The following KCNAB2 variants were observed in gnomAD, a reference collection of about 807,000 sequenced individuals.
KCNAB2 encodes voltage-gated potassium channel subunit beta-2.
KCNAB2 carries 29 observed loss-of-function variants against 63.6 expected under a neutral mutation model. That is an observed-to-expected ratio of 0.46 (90% CI 0.34 to 0.62). The LOEUF (loss-of-function observed/expected upper bound fraction) is 0.62. Among genes scored for constraint, KCNAB2 ranks in the 20% least tolerant of loss-of-function variants. The pLI is 0.01. For synonymous variants in KCNAB2, 222 were observed against 224.2 expected (o/e 0.99, Z 0.09); for missense variants, 359 against 563.9 (o/e 0.64, Z 3.68).
rs564962053 is a variant in KCNAB2 at position 6,097,467 on chromosome 1, A to T, written c.1158+110A>T. 4 of 1,531,552 alleles carry T rather than the reference A, an allele frequency of 2.6e-6. No homozygotes were observed. The African/African-American group carries it at 5.5e-5, about 21-fold the overall frequency. 94.9% of individuals were successfully genotyped at this position (1,531,552 alleles called of 1,614,324 possible). On this transcript the variant is annotated intron_variant, in intron 15 of 15. Transcript: ENST00000378083. ...CCAGGCTCTGTTCTAGGCACTCAGG[A>T]TGCGCCCGTGAACCATCAGAGTTGT...
At position 6,046,114 on chromosome 1, in the gene KCNAB2, A is replaced by G. The variant is rs1489575478; in HGVS notation, c.-96A>G. ...GAAAAAGCCGCTGTGCCAGATCCTTAGAGTGTCTGGTGATCCCTAATAAAC... is the reference window on the plus strand; with the variant it reads ...GAAAAAGCCGCTGTGCCAGATCCTTGGAGTGTCTGGTGATCCCTAATAAAC... On this transcript the variant is annotated 5_prime_UTR_variant, in exon 1 of 16. Transcript: ENST00000378083. 1 of 985,252 alleles carries G rather than the reference A, an allele frequency of 1.0e-6. No homozygotes were observed. The highest frequency in any genetic ancestry group is 1.7e-5 in the African/African-American group (1 of 57,226). 61.0% of individuals were successfully genotyped at this position (985,252 alleles called of 1,614,324 possible).
Position 6,100,023 on chromosome 1 carries a change from A to T in KCNAB2, c.*1449A>T. The T allele has an allele frequency of 6.5e-7, 1 of 1,529,682 alleles. No homozygotes were observed. 94.8% of individuals were successfully genotyped at this position (1,529,682 alleles called of 1,614,324 possible). On this transcript the variant is annotated 3_prime_UTR_variant, in exon 16 of 16. Coordinates refer to ENST00000378083, the MANE Select transcript of KCNAB2 (RefSeq NM_001199862.2). ...CCCCCACCCCTCGCCAGCTAGCTCC[A>T]TAGGGAAGCCTGTGTCTCCTGCCCC... is the stretch of plus-strand genomic sequence containing the variant.
chr1:6,016,217 T>A lies in KCNAB2; in HGVS notation c.-53+23429T>A, dbSNP rs576949447. On this transcript the variant is annotated intron_variant, in intron 1 of 16. Coordinates refer to the KCNAB2 transcript ENST00000341524. ...AGAGCGAAGGAGGCTTCCCACGGACTCCCAGGGGCCAAGCAGGGTCCCCCA... is the reference window on the plus strand; with the variant it reads ...AGAGCGAAGGAGGCTTCCCACGGACACCCAGGGGCCAAGCAGGGTCCCCCA... Among the ~76,000 whole-genome samples, 690 of 152,226 alleles carry A rather than the reference T, an allele frequency of 4.5e-3. 5 individuals carry two copies. The highest frequency in any genetic ancestry group is 0.014 in the Middle Eastern group (4 of 294).
At chr1:6,031,600 G>A (rs887973039), upstream of KCNAB2, among the ~76,000 whole-genome samples, 2 of 152,174 alleles carry the variant, frequency 1.3e-5, no homozygotes, top group Admixed American at 6.5e-5. The surrounding 1 kb of genome is among the most constrained non-coding windows in gnomAD (Gnocchi z 4.1). Flanking sequence ...AAATCTGCCA[G>A]CCCTGGCCGG....
chr1:6,021,806 TCAGTGGTATTGAGGGTAAAGTG>T (rs1422735186), intron 1 of KCNAB2, among the ~76,000 whole-genome samples: 25 of 144,222 alleles, frequency 1.7e-4, no homozygotes, highest in African/African-American at 5.7e-4. Flanking sequence ...AGTGTACAGT[TCAGTGGTATTGAGGGTAAAGTG>T]CAGTGGTATT....
chr1:6,062,774 A>G (rs1000120515), intron 2 of KCNAB2, among the ~76,000 whole-genome samples: 17 of 152,244 alleles, frequency 1.1e-4, no homozygotes, highest in African/African-American at 4.1e-4. Context: ...GTTTTCAGGC[A>G]GGTGACTTTT....
In KCNAB2 at chr1:6,086,423, C is replaced by G. The variant is rs546701824; in HGVS notation, c.426-1044C>G. 135 of 974,306 alleles carry G rather than the reference C, an allele frequency of 1.4e-4. No homozygotes were observed. The highest frequency in any genetic ancestry group is 7.4e-4 in the Admixed American group (12 of 16,272). The allele number at this position is 974,306 out of a possible 1,614,324, so 60.4% of individuals were successfully genotyped here. ...TGCATGGAGGTGGTGTGGGGTGATCCCCCTTCCTGGAGGTGACGCTGCCTC... is the reference window on the plus strand; with the variant it reads ...TGCATGGAGGTGGTGTGGGGTGATCGCCCTTCCTGGAGGTGACGCTGCCTC... On this transcript the variant is annotated intron_variant, in intron 6 of 15. Coordinates refer to ENST00000378083, the MANE Select transcript of KCNAB2 (RefSeq NM_001199862.2). This position sits in a 1 kb window ranked among gnomAD's most constrained non-coding sequence, Gnocchi z 4.2.
Position 6,095,480 on chromosome 1 carries a change from A to T in KCNAB2, c.853+37A>T, listed in dbSNP as rs543257561. On this transcript the variant is annotated intron_variant, in intron 12 of 15. Transcript: ENST00000378083. ...CGGGCCCCTCGCCCCGCCCCACCCC[A>T]CCCCTGCTCTCGGGCCCAGGGCTTG... 6 of 730,968 alleles carry T rather than the reference A, an allele frequency of 8.2e-6. No individual in the cohort carries two copies. In the East Asian group the frequency reaches 2.7e-4, roughly 32 times the overall value. The allele number at this position is 730,968 out of a possible 1,614,324, so 45.3% of individuals were successfully genotyped here.
chr1:6,065,103 T>C (rs1662629677), intron 2 of KCNAB2, among the ~76,000 whole-genome samples: 1 of 152,220 alleles, frequency 6.6e-6, no homozygotes, highest in Non-Finnish European at 1.5e-5. Context: ...CCCCAGCGGA[T>C]ACCCCACTCT....
At chr1:5,997,322 A>G (rs914491933) in intron 1 of KCNAB2, among the ~76,000 whole-genome samples, 1 of 152,068 alleles carries the variant, frequency 6.6e-6, no homozygotes, top group Admixed American at 6.5e-5. Context: ...GTGGAGAAGG[A>G]TGGAGGGAAG....
upstream of KCNAB2, chr1:6,041,719 T>C: frequency 4.4e-6 from 4 of 914,742 alleles, no homozygotes; most frequent in Non-Finnish European, 7.1e-6. Flanking sequence ...CCCGGGGGCA[T>C]GGGACATTGG....
chr1:6,090,016 C>T (rs1214552392), intron 8 of KCNAB2, among the ~76,000 whole-genome samples: 1 of 152,210 alleles, frequency 6.6e-6, no homozygotes, highest in African/African-American at 2.4e-5. Flanking sequence ...ACACTATTGC[C>T]TTTGATGGGA....
chr1:6,097,227 G>T (rs1257842202), intron 14 of KCNAB2, 42 bp from the exon 15 acceptor site: 1 of 1,508,196 alleles, frequency 6.6e-7, no homozygotes, highest in Non-Finnish European at 8.9e-7. Context: ...AGGGGCCCCT[G>T]TGGTGGGTGT....
At chr1:6,051,832 G>A (rs932288435) in intron 2 of KCNAB2, 78 bp downstream of exon 2, 68 of 1,425,442 alleles carry the variant, frequency 4.8e-5, no homozygotes, top group African/African-American at 7.1e-5. Context: ...GGCTGGGCAC[G>A]GTGGTTCACA....
At chr1:6,040,505 C>A (rs924648964) in intron 1 of KCNAB2, 3 of 1,441,254 alleles carry the variant, frequency 2.1e-6, no homozygotes, top group Non-Finnish European at 2.9e-6. Flanking sequence ...CCTTATTTTG[C>A]TTTTCTTCCA....
At chr1:5,999,627 C>T (rs1657123806) in intron 1 of KCNAB2, among the ~76,000 whole-genome samples, 1 of 152,150 alleles carries the variant, frequency 6.6e-6, no homozygotes, top group Non-Finnish European at 1.5e-5. Flanking sequence ...TGGCAGGGCG[C>T]CTTGTTAGTG....
Position 6,072,748 on chromosome 1 carries a change from T to G in KCNAB2, c.219-7T>G, listed in dbSNP as rs1663316764. On this transcript the variant is annotated splice_region_variant and splice_polypyrimidine_tract_variant and intron_variant, in intron 2 of 15. Transcript: ENST00000378083. Reference sequence around the variant, plus strand: ...TGCTGAGAACTCACGTGGCGTTTGTTTTTCAGGAACCTGGGCAAGTCTGGC... The same window carrying G: ...TGCTGAGAACTCACGTGGCGTTTGTGTTTCAGGAACCTGGGCAAGTCTGGC... 9 of 1,613,332 alleles carry G rather than the reference T, an allele frequency of 5.6e-6. No individual in the cohort carries two copies. In the East Asian group the frequency reaches 2.0e-4, roughly 36 times the overall value.
In KCNAB2 at chr1:6,003,044, G is replaced by A. The variant is rs1236262440; in HGVS notation, c.-53+10256G>A. On this transcript the variant is annotated intron_variant, in intron 1 of 16. Transcript: ENST00000341524. This position sits in a 1 kb window ranked among gnomAD's most constrained non-coding sequence, Gnocchi z 4.1. Reference sequence around the variant, plus strand: ...GGTCACACAGCTACCAGAGGACAGAGCTAGAACATGACCGCAGCAGACGCC... The same window carrying A: ...GGTCACACAGCTACCAGAGGACAGAACTAGAACATGACCGCAGCAGACGCC... Among the ~76,000 whole-genome samples the A allele has an allele frequency of 6.6e-6, 1 of 152,226 alleles. No homozygotes were observed. The highest frequency in any genetic ancestry group is 1.5e-5 in the Non-Finnish European group (1 of 68,026).
chr1:6,033,767 AT>A (rs1445002695), upstream of KCNAB2, among the ~76,000 whole-genome samples: 1 of 152,134 alleles, frequency 6.6e-6, no homozygotes, highest in Non-Finnish European at 1.5e-5. Context: ...AAGAGCTAGG[AT>A]TTAATGACCG....
Sources: gnomAD v4.1 joint callset for allele counts (sites outside exome capture counted in the v4.1 genomes callset) on GRCh38, gnomAD v4.1.1 for gene constraint, Gnocchi (gnomAD v3.1) non-coding constraint, MANE v1.5 for transcripts, NCBI Gene and HGNC (gene_info 2026-07-23, HGNC 2026-07-21) for gene names.